The following KIF6 variants were observed in gnomAD, a reference collection of about 807,000 sequenced individuals.
KIF6 encodes kinesin-like protein KIF6.
KIF6 carries 106 observed loss-of-function variants against 112.7 expected under a neutral mutation model. The observed-to-expected ratio is 0.94, with a 90% confidence interval of 0.80 to 1.11. The LOEUF is 1.11. Among genes scored for constraint, KIF6 ranks in the 50% least tolerant of loss-of-function variants. The pLI is 0.00. For synonymous variants in KIF6, 339 were observed against 339.9 expected (o/e 1.00, Z 0.03); for missense variants, 929 against 964.0 (o/e 0.96, Z 0.48).
At chr6:39,482,364 T>C (rs1474748083) in intron 13 of KIF6, among the ~76,000 whole-genome samples, 1 of 152,176 alleles carries the variant, frequency 6.6e-6, no homozygotes, top group Non-Finnish European at 1.5e-5. Context: ...GGAAGAGCTG[T>C]GAGGACACTT....
chr6:39,600,266 G>A (rs1305753617), intron 6 of KIF6, among the ~76,000 whole-genome samples: 2 of 152,152 alleles, frequency 1.3e-5, no homozygotes, highest in South Asian at 2.1e-4. Context: ...TGGCACTAGC[G>A]ACTGTGCCTT....
intron 10 of KIF6, among the ~76,000 whole-genome samples, chr6:39,553,599 G>C (rs941930311): frequency 2.0e-5 from 3 of 152,080 alleles, no homozygotes; most frequent in African/African-American, 7.2e-5. Flanking sequence ...AGACAGTAGG[G>C]CATATTTTAC....
chr6:39,374,625 A>G (rs1766284324), intron 16 of KIF6, among the ~76,000 whole-genome samples: 1 of 152,246 alleles, frequency 6.6e-6, no homozygotes, highest in Admixed American at 6.5e-5. Flanking sequence ...TCATAAGAAA[A>G]TGCTCAACAT....
chr6:39,532,061 G>A (rs921324590), intron 13 of KIF6, among the ~76,000 whole-genome samples: 6 of 152,104 alleles, frequency 3.9e-5, no homozygotes, highest in Non-Finnish European at 5.9e-5. Context: ...CTTCACCCCC[G>A]CTTTTGGGAT....
intron 13 of KIF6, among the ~76,000 whole-genome samples, chr6:39,446,898 T>C (rs891827230): frequency 2.0e-5 from 3 of 152,208 alleles, no homozygotes; most frequent in African/African-American, 7.2e-5. Flanking sequence ...ATGGCAGCAA[T>C]GAATCATTTA....
intron 19 of KIF6, 124 bp from the exon 20 acceptor site, chr6:39,346,650 T>C (rs1393212904): frequency 5.6e-6 from 3 of 536,842 alleles, no homozygotes; most frequent in African/African-American, 1.9e-5. Flanking sequence ...TAATTTTCTT[T>C]TTTTCTTTTT....
At chr6:39,526,442 C>T (rs1259472650) in intron 13 of KIF6, among the ~76,000 whole-genome samples, 1 of 152,138 alleles carries the variant, frequency 6.6e-6, no homozygotes, top group Admixed American at 6.5e-5. Context: ...ACCTGTTTAT[C>T]TCTCCCACCA....
intron 16 of KIF6, among the ~76,000 whole-genome samples, chr6:39,370,303 T>G (rs1452858728): frequency 2.6e-5 from 4 of 152,210 alleles, no homozygotes; most frequent in African/African-American, 9.6e-5. Context: ...TTCTTGCACC[T>G]ATAAGAGCCA....
At chr6:39,337,895 G>A (rs1763118085) in intron 22 of KIF6, among the ~76,000 whole-genome samples, 1 of 152,202 alleles carries the variant, frequency 6.6e-6, no homozygotes, top group Non-Finnish European at 1.5e-5. Context: ...CCTGGAAAAA[G>A]CAAGGTGGCT....
At chr6:39,471,165 G>A (rs1774097969) in intron 13 of KIF6, among the ~76,000 whole-genome samples, 1 of 151,998 alleles carries the variant, frequency 6.6e-6, no homozygotes, top group Non-Finnish European at 1.5e-5. Context: ...TTTTCCCTTG[G>A]TATCTTTTAT....
At chr6:39,625,266 G>A (rs73732171) in intron 5 of KIF6, among the ~76,000 whole-genome samples, 9,952 of 152,152 alleles carry the variant, frequency 0.065, 1,085 homozygotes, top group African/African-American at 0.23. Flanking sequence ...TTCTGATACT[G>A]AGAACAATCT....
intron 9 of KIF6, among the ~76,000 whole-genome samples, chr6:39,580,846 G>T (rs1263659341): frequency 2.6e-5 from 4 of 152,108 alleles, no homozygotes; most frequent in Non-Finnish European, 5.9e-5. Context: ...AGTCTTCCCT[G>T]AATGAATTCC....
intron 15 of KIF6, among the ~76,000 whole-genome samples, chr6:39,416,229 T>C (rs909042301): frequency 3.3e-5 from 5 of 152,258 alleles, no homozygotes; most frequent in Admixed American, 6.5e-5. Context: ...AAAACAGTGA[T>C]GATGTAAAAA....
At chr6:39,584,150 G>A (rs576292827) in intron 9 of KIF6, among the ~76,000 whole-genome samples, 8 of 151,710 alleles carry the variant, frequency 5.3e-5, no homozygotes, top group Non-Finnish European at 7.4e-5. Flanking sequence ...GGCCCGGCGC[G>A]GTGGCTCACA....
chr6:39,691,685 G>T (rs771694517), intron 3 of KIF6: 5 of 152,140 alleles, frequency 3.3e-5, no homozygotes, highest in African/African-American at 1.2e-4. Flanking sequence ...TAAGTAAAAG[G>T]CATCATTAAG....
intron 15 of KIF6, among the ~76,000 whole-genome samples, chr6:39,419,042 A>C (rs1159444590): frequency 6.6e-6 from 1 of 151,974 alleles, no homozygotes; most frequent in Non-Finnish European, 1.5e-5. Context: ...TGAAAAAAAC[A>C]TTGTCCTCTT....
chr6:39,450,533 A>T (rs923976635), intron 13 of KIF6, among the ~76,000 whole-genome samples: 29 of 152,208 alleles, frequency 1.9e-4, no homozygotes, highest in African/African-American at 7.0e-4. Context: ...GGCCGGGCAC[A>T]GTGGCTCACA....
intron 14 of KIF6, among the ~76,000 whole-genome samples, chr6:39,420,612 G>A (rs1008251073): frequency 1.7e-4 from 26 of 152,176 alleles, no homozygotes; most frequent in Admixed American, 2.6e-4. Flanking sequence ...TATAGAAGAA[G>A]TTTGCTGATT....
intron 8 of KIF6, 94 bp from the exon 9 acceptor site, chr6:39,585,078 A>G (rs1225300939): frequency 4.0e-6 from 3 of 753,452 alleles, no homozygotes; most frequent in Non-Finnish European, 6.8e-6. Context: ...AAAAAGATAC[A>G]CACCTAAAAA....
Sources: gnomAD v4.1 joint callset for allele counts (sites outside exome capture counted in the v4.1 genomes callset) on GRCh38, gnomAD v4.1.1 for gene constraint, MANE v1.5 for transcripts, NCBI Gene and HGNC (gene_info 2026-07-23, HGNC 2026-07-21) for gene names.